Variants in RORA observed in about 807,000 individuals in gnomAD.
RORA encodes the protein nuclear receptor ROR-alpha.
RORA carries 7 observed loss-of-function variants against 69.5 expected under a neutral mutation model. That is an observed-to-expected ratio of 0.10 (90% CI 0.06 to 0.19). The LOEUF (loss-of-function observed/expected upper bound fraction) is 0.19, where lower values mean the gene tolerates loss of function less well. RORA is among the 10% of genes least tolerant of loss of function. The probability of loss-of-function intolerance (pLI) is 1.00; values close to 1 mark genes in which losing one functional copy is unlikely to be tolerated. For synonymous variants in RORA, 261 were observed against 240.8 expected (o/e 1.08, Z -0.78); for missense variants, 457 against 663.0 (o/e 0.69, Z 3.41).
At chr15:60,758,800 A>T (rs1379582491) in intron 1 of RORA, among the ~76,000 whole-genome samples, 1 of 152,158 alleles carries the variant, frequency 6.6e-6, no homozygotes, top group Non-Finnish European at 1.5e-5. Flanking sequence ...GTGCCAACTA[A>T]CTCTATAAAG....
intron 1 of RORA, among the ~76,000 whole-genome samples, chr15:60,887,659 T>C (rs2073766339): frequency 6.6e-6 from 1 of 152,182 alleles, no homozygotes. Flanking sequence ...ACGGGCAGAA[T>C]GGAGGGAAGG....
intron 2 of RORA, among the ~76,000 whole-genome samples, chr15:60,639,271 G>A (rs1490779328): frequency 7.3e-6 from 1 of 137,064 alleles, no homozygotes; most frequent in East Asian, 2.0e-4. Context: ...TAAAAACCAA[G>A]TGCCATACAT....
At chr15:60,600,796 T>C (rs571993616) in intron 2 of RORA, among the ~76,000 whole-genome samples, 6 of 152,092 alleles carry the variant, frequency 3.9e-5, no homozygotes, top group Non-Finnish European at 8.8e-5. Context: ...TTTTGTGAAA[T>C]CAAAATGGGT....
chr15:60,621,980 G>A (rs1231277534), intron 2 of RORA, among the ~76,000 whole-genome samples: 2 of 152,012 alleles, frequency 1.3e-5, no homozygotes, highest in East Asian at 1.9e-4. Context: ...TCCGGGAGGC[G>A]GAGGTCGTGG....
At chr15:61,056,966 A>G (rs1285647460) in intron 1 of RORA, among the ~76,000 whole-genome samples, 5 of 152,226 alleles carry the variant, frequency 3.3e-5, no homozygotes, top group African/African-American at 7.2e-5. Context: ...CGATGCCTTT[A>G]ATGATCTACA....
At chr15:60,879,698 C>T (rs759150639) in intron 1 of RORA, among the ~76,000 whole-genome samples, 1 of 152,202 alleles carries the variant, frequency 6.6e-6, no homozygotes, top group Non-Finnish European at 1.5e-5. Flanking sequence ...GATCAGACAT[C>T]AGAGGATATC....
At chr15:60,772,192 C>T (rs143327262) in intron 1 of RORA, among the ~76,000 whole-genome samples, 10,995 of 152,044 alleles carry the variant, frequency 0.072, 498 homozygotes, top group Admixed American at 0.12. Context: ...TTTCTCCTAA[C>T]GCTATCCCTC....
intron 1 of RORA, among the ~76,000 whole-genome samples, chr15:60,967,525 T>A (rs977393915): frequency 6.6e-6 from 1 of 152,220 alleles, no homozygotes; most frequent in African/African-American, 2.4e-5. Context: ...CTGTAATTTG[T>A]TGTTGCTGTT....
At chr15:60,911,200 G>T (rs1404406840) in intron 1 of RORA, among the ~76,000 whole-genome samples, 1 of 148,574 alleles carries the variant, frequency 6.7e-6, no homozygotes, top group Non-Finnish European at 1.5e-5. Context: ...CTCCCAAAGT[G>T]CTGGGATTAC....
chr15:60,923,264 A>G (rs1892105241), intron 1 of RORA, among the ~76,000 whole-genome samples: 1 of 152,220 alleles, frequency 6.6e-6, no homozygotes, highest in Non-Finnish European at 1.5e-5. Flanking sequence ...AGAAGTTCTT[A>G]CCACGTTTTA....
At chr15:60,541,375 A>C (rs754276604) in intron 2 of RORA, among the ~76,000 whole-genome samples, 1 of 152,256 alleles carries the variant, frequency 6.6e-6, no homozygotes, top group Non-Finnish European at 1.5e-5. Flanking sequence ...TCAGCCAGGC[A>C]TACTAATGAC....
intron 1 of RORA, among the ~76,000 whole-genome samples, chr15:60,984,083 C>T (rs1220753957): frequency 1.4e-5 from 2 of 143,340 alleles, no homozygotes; most frequent in East Asian, 2.0e-4. Flanking sequence ...AAAACTGTTT[C>T]TGAGAATATG....
chr15:60,967,567 T>C (rs1893590306), intron 1 of RORA, among the ~76,000 whole-genome samples: 2 of 152,190 alleles, frequency 1.3e-5, no homozygotes, highest in Non-Finnish European at 2.9e-5. Context: ...AACAAACTTG[T>C]TCATGGTCCC....
chr15:61,109,351 T>C (rs2078981825), intron 1 of RORA, among the ~76,000 whole-genome samples: 1 of 152,170 alleles, frequency 6.6e-6, no homozygotes, highest in Non-Finnish European at 1.5e-5. Flanking sequence ...TAGCACATTG[T>C]AGCCACTCAA....
In RORA at chr15:61,084,288, T is replaced by C. The variant is rs76476225; in HGVS notation, c.166+144765A>G. Among the ~76,000 whole-genome samples the C allele has an allele frequency of 7.9e-5, 12 of 152,308 alleles. No individual in the cohort carries two copies. In the East Asian group the frequency reaches 1.7e-3, roughly 22 times the overall value. On this transcript the variant is annotated intron_variant, in intron 1 of 10. Transcript: ENST00000335670. The stretch of plus-strand genomic sequence containing the variant: ...TTAACCATGCTTGATGAGAAGTCCA[T>C]CTGCCTGGACATTCACCCACCATGT...
intron 1 of RORA, among the ~76,000 whole-genome samples, chr15:60,869,424 A>G (rs2073527488): frequency 6.6e-6 from 1 of 152,170 alleles, no homozygotes; most frequent in Non-Finnish European, 1.5e-5. Context: ...ACCTAACAGG[A>G]GAAGGAAAGG....
At chr15:60,591,381 G>A (rs185150541) in intron 2 of RORA, among the ~76,000 whole-genome samples, 2 of 152,294 alleles carry the variant, frequency 1.3e-5, no homozygotes, top group African/African-American at 2.4e-5. Context: ...GGTTTCTCCG[G>A]CAGCACGGGC....
intron 1 of RORA, among the ~76,000 whole-genome samples, chr15:61,156,416 C>G (rs1381084684): frequency 6.6e-6 from 1 of 152,138 alleles, no homozygotes; most frequent in Non-Finnish European, 1.5e-5. Flanking sequence ...TCTGCCCCCA[C>G]AGGCCGGCAC....
At chr15:60,694,688 T>C (rs1469089890) in intron 1 of RORA, among the ~76,000 whole-genome samples, 1 of 152,160 alleles carries the variant, frequency 6.6e-6, no homozygotes, top group Admixed American at 6.5e-5. Flanking sequence ...TGCATGTGGA[T>C]CAATCCTGCC....
Sources: gnomAD v4.1 joint callset for allele counts (sites outside exome capture counted in the v4.1 genomes callset) on GRCh38, gnomAD v4.1.1 for gene constraint, MANE v1.5 for transcripts, NCBI Gene and HGNC (gene_info 2026-07-23, HGNC 2026-07-21) for gene names.